Variants in SCUBE1 observed in about 807,000 individuals in gnomAD.
The protein encoded by SCUBE1 is signal peptide, CUB and EGF-like domain-containing protein 1.
In SCUBE1, 59 loss-of-function variants were observed where a neutral mutation model predicts 124.4. The ratio of observed to expected loss-of-function variants is 0.47; its 90% CI spans 0.38 to 0.59. SCUBE1 has a LOEUF of 0.59. SCUBE1 is among the 20% of genes least tolerant of loss of function. The pLI, the probability that SCUBE1 is intolerant of heterozygous loss-of-function variation, is 0.00. For synonymous variants in SCUBE1, 545 were observed against 550.9 expected (o/e 0.99, Z 0.15); for missense variants, 1,150 against 1,371.2 (o/e 0.84, Z 2.55).
rs954885142 is a variant in SCUBE1 at position 43,200,090 on chromosome 22, C to T, written c.*3907G>A. The T allele has an allele frequency of 6.6e-6, 1 of 152,314 alleles. No individual in the cohort carries two copies. Among genetic ancestry groups the T allele is most frequent in the South Asian group, 2.1e-4 (1 of 4,838 alleles). 9.4% of individuals were successfully genotyped at this position (152,314 alleles called of 1,614,324 possible). A position where few individuals can be genotyped will look rare whatever the true frequency, so the allele number is the denominator to read the frequency against. On this transcript the variant is annotated 3_prime_UTR_variant, in exon 22 of 22. Transcript: ENST00000360835. The stretch of plus-strand genomic sequence containing the variant: ...TCCTGGGAAGCTGTGCGGGAGACAC[C>T]CCGGTTTTCCATGCCTTTCTTCACA...
intron 8 of SCUBE1, among the ~76,000 whole-genome samples, chr22:43,229,441 T>C (rs1320556425): frequency 3.3e-5 from 5 of 152,152 alleles, no homozygotes; most frequent in Non-Finnish European, 5.9e-5. Context: ...GGCAGAAACA[T>C]TGTGAATGGA....
intron 4 of SCUBE1, among the ~76,000 whole-genome samples, chr22:43,286,566 G>C (rs949569087): frequency 1.2e-4 from 18 of 152,228 alleles, no homozygotes; most frequent in African/African-American, 4.3e-4. Flanking sequence ...CAGTTCACCA[G>C]GTGGAGGAGG....
chr22:43,246,783 A>G (rs1923230043), intron 6 of SCUBE1, among the ~76,000 whole-genome samples: 1 of 152,210 alleles, frequency 6.6e-6, no homozygotes, highest in Non-Finnish European at 1.5e-5. Context: ...CCTGGGGCAG[A>G]AGGAGGCAGT....
chr22:43,220,378 C>T (rs1229977120), intron 14 of SCUBE1, 72 bp downstream of exon 14: 10 of 1,532,518 alleles, frequency 6.5e-6, no homozygotes, highest in Non-Finnish European at 8.9e-6. Context: ...GCCTGGCAGG[C>T]CCCCGGCAGC....
chr22:43,305,034 G>A (rs894737895), intron 3 of SCUBE1, among the ~76,000 whole-genome samples: 5 of 152,190 alleles, frequency 3.3e-5, no homozygotes, highest in African/African-American at 9.7e-5. Flanking sequence ...CATTCTTGCT[G>A]TCCCAACCCA....
intron 4 of SCUBE1, among the ~76,000 whole-genome samples, chr22:43,271,482 G>A (rs1924289900): frequency 6.6e-6 from 1 of 152,146 alleles, no homozygotes; most frequent in Non-Finnish European, 1.5e-5. Flanking sequence ...AGACAACGGT[G>A]GTATGCTTGT....
At chr22:43,333,663 C>G (rs1044735999) in intron 2 of SCUBE1, among the ~76,000 whole-genome samples, 3 of 152,220 alleles carry the variant, frequency 2.0e-5, no homozygotes, top group African/African-American at 7.2e-5. Context: ...AAAGACAAAT[C>G]TTACAGTCCC....
chr22:43,300,934 C>T (rs561744741), intron 3 of SCUBE1, among the ~76,000 whole-genome samples: 28 of 152,296 alleles, frequency 1.8e-4, no homozygotes, highest in African/African-American at 6.5e-4. Flanking sequence ...ATCCTGCGGG[C>T]GTGACAGACT....
chr22:43,338,955 C>T (rs977120703), intron 2 of SCUBE1, 149 bp downstream of exon 2: 2 of 907,102 alleles, frequency 2.2e-6, no homozygotes, highest in Admixed American at 2.6e-5. Flanking sequence ...TGCCTCCCTC[C>T]TGAGGCTGAG....
At chr22:43,209,436 G>T (rs939615461) in intron 19 of SCUBE1, among the ~76,000 whole-genome samples, 1 of 152,214 alleles carries the variant, frequency 6.6e-6, no homozygotes, top group South Asian at 2.1e-4. Context: ...CATTCCTGCT[G>T]CTGTGGCCAG....
intron 3 of SCUBE1, among the ~76,000 whole-genome samples, chr22:43,296,488 C>T (rs887944117): frequency 6.6e-6 from 1 of 152,246 alleles, no homozygotes; most frequent in South Asian, 2.1e-4. Context: ...AGCTCCTCAG[C>T]ACAGCACAGG....
At chr22:43,309,971 C>T (rs926108094) in intron 3 of SCUBE1, among the ~76,000 whole-genome samples, 1 of 152,208 alleles carries the variant, frequency 6.6e-6, no homozygotes, top group Non-Finnish European at 1.5e-5. Context: ...AGCCACTCTG[C>T]CTCTCTACTC....
chr22:43,283,234 G>C (rs961970153), intron 4 of SCUBE1: 2 of 152,210 alleles, frequency 1.3e-5, no homozygotes, highest in Non-Finnish European at 2.9e-5. Context: ...ATCCATGGGG[G>C]TGGTTGTGAT....
At chr22:43,307,818 CAT>C (rs1179000635) in intron 3 of SCUBE1, among the ~76,000 whole-genome samples, 1 of 152,218 alleles carries the variant, frequency 6.6e-6, no homozygotes, top group Admixed American at 6.5e-5. Context: ...TTTTATTTCA[CAT>C]ATGACAGGGA....
chr22:43,339,078 GC>G (rs765412525), intron 2 of SCUBE1, 25 bp downstream of exon 2: 8 of 1,612,436 alleles, frequency 5.0e-6, no homozygotes, highest in Non-Finnish European at 5.9e-6. Flanking sequence ...CTCAGGGTCT[GC>G]CCGGGAGGGC....
intron 5 of SCUBE1, among the ~76,000 whole-genome samples, chr22:43,260,340 C>T (rs1207109220): frequency 6.6e-5 from 10 of 152,236 alleles, no homozygotes; most frequent in Admixed American, 6.5e-4. Flanking sequence ...ACAGCTTGTA[C>T]ACAGAGATGT....
chr22:43,311,397 G>A (rs890038969), intron 3 of SCUBE1, among the ~76,000 whole-genome samples: 7 of 151,378 alleles, frequency 4.6e-5, no homozygotes, highest in Non-Finnish European at 1.0e-4. Flanking sequence ...TAGGTGGAAG[G>A]CTTTAGTATT....
chr22:43,256,125 T>C (rs185450397), intron 6 of SCUBE1, among the ~76,000 whole-genome samples: 21 of 151,962 alleles, frequency 1.4e-4, no homozygotes, highest in African/African-American at 5.1e-4. Flanking sequence ...GAACAAAACA[T>C]AGGACACACA....
At chr22:43,248,872 T>C (rs1166963560) in intron 6 of SCUBE1, among the ~76,000 whole-genome samples, 2 of 152,044 alleles carry the variant, frequency 1.3e-5, no homozygotes, top group African/African-American at 4.8e-5. Flanking sequence ...GCCCCATCCA[T>C]CCCCGGGCAC....
Sources: allele counts gnomAD v4.1 joint callset (sites outside exome capture counted in the v4.1 genomes callset), GRCh38; gene constraint gnomAD v4.1.1; transcripts MANE v1.5; gene names NCBI Gene and HGNC (gene_info 2026-07-23, HGNC 2026-07-21).